Variants in CASD1 observed in about 807,000 individuals in gnomAD.
The protein encoded by CASD1 is CAS1 domain sialic acid O acetyltransferase 1, also known as N-acetylneuraminate (7)9-O-acetyltransferase.
In CASD1, 41 loss-of-function variants were observed where a neutral mutation model predicts 100.0. The ratio of observed to expected loss-of-function variants is 0.41; its 90% CI spans 0.32 to 0.53. The LOEUF is 0.53. Ranked by LOEUF, CASD1 falls within the 20% of genes least tolerant of loss-of-function variation. The pLI is 0.25. For missense variants in CASD1, 774 were observed against 948.7 expected (o/e 0.82, Z 2.42); for synonymous variants, 321 against 315.6 (o/e 1.02, Z -0.18).
chr7:94,519,320 A>G (rs563849777), intron 3 of CASD1, among the ~76,000 whole-genome samples: 41 of 152,284 alleles, frequency 2.7e-4, no homozygotes, highest in African/African-American at 9.9e-4. Context: ...GGAGAGGGGA[A>G]TAGCAAAGGG....
chr7:94,615,370 ATAG>A, the CASD1 span, among the ~76,000 whole-genome samples: 2 of 1,764 alleles, frequency 1.1e-3, no homozygotes, highest in Admixed American at 5.5e-3. Context: ...AAATAAATAG[ATAG>A]ATAGATAGAT....
At chr7:94,611,286 T>C in the CASD1 span, among the ~76,000 whole-genome samples, 1 of 152,144 alleles carries the variant, frequency 6.6e-6, no homozygotes, top group Non-Finnish European at 1.5e-5. Flanking sequence ...AGATGGCATA[T>C]CCATAAAATA....
chr7:94,570,007 G>T, the CASD1 span, among the ~76,000 whole-genome samples: 3 of 151,530 alleles, frequency 2.0e-5, no homozygotes, highest in African/African-American at 7.3e-5. Context: ...TAGAGACAGG[G>T]TTTCACCATG....
chr7:94,512,770 T>C lies in CASD1; in HGVS notation c.133+2553T>C, dbSNP rs575446412. 3.9e-5 allele frequency among the ~76,000 whole-genome samples: 6 copies of C among 152,346 alleles called. No homozygotes were observed. In the South Asian group the frequency reaches 1.2e-3, roughly 32 times the overall value. ...CATGTCAAAGTTTAATTGGTAACAT[T>C]TTTTTCTTACTGTGACATAAAATAA... On this transcript the variant is annotated intron_variant, in intron 1 of 17. Transcript: ENST00000297273.
chr7:94,532,995 G>A (rs1584402613), intron 5 of CASD1, among the ~76,000 whole-genome samples: 1 of 152,094 alleles, frequency 6.6e-6, no homozygotes, highest in Non-Finnish European at 1.5e-5. Flanking sequence ...CATCCTGTGT[G>A]TATATGTAGC....
At chr7:94,574,676 A>G in the CASD1 span, among the ~76,000 whole-genome samples, 1 of 151,898 alleles carries the variant, frequency 6.6e-6, no homozygotes, top group Non-Finnish European at 1.5e-5. Flanking sequence ...TTCAAAAAAA[A>G]AAAAAATTCC....
At chr7:94,600,086 G>C in the CASD1 span, 1 of 215,514 alleles carries the variant, frequency 4.6e-6, no homozygotes, top group African/African-American at 2.3e-5. Context: ...AGATAATCTT[G>C]GGAGATTACC....
intron 11 of CASD1, among the ~76,000 whole-genome samples, chr7:94,545,168 G>T (rs1378275218): frequency 1.3e-5 from 2 of 151,934 alleles, no homozygotes; most frequent in African/African-American, 4.8e-5. Context: ...TCCCAAATGG[G>T]GTAAGTCAAC....
chr7:94,597,276 A>G, the CASD1 span: 1 of 152,206 alleles, frequency 6.6e-6, no homozygotes, highest in Non-Finnish European at 1.5e-5. Context: ...ACACATGCAC[A>G]TAAACAGGCA....
At chr7:94,547,022 A>G in intron 12 of CASD1, 74 bp from the exon 13 acceptor site, 1 of 892,776 alleles carries the variant, frequency 1.1e-6, no homozygotes, top group Non-Finnish European at 1.7e-6. Flanking sequence ...ATGTACATAT[A>G]TCAAATAGAG....
chr7:94,526,236 C>A (rs1261853894), intron 3 of CASD1, among the ~76,000 whole-genome samples: 1 of 152,220 alleles, frequency 6.6e-6, no homozygotes, highest in Non-Finnish European at 1.5e-5. Flanking sequence ...GGGCTGGCAA[C>A]AGGCTTTGCT....
chr7:94,599,607 A>G, the CASD1 span: 1 of 1,001,218 alleles, frequency 1.0e-6, no homozygotes, highest in African/African-American at 1.6e-5. Flanking sequence ...GACAAATGAA[A>G]AAAAGCTTGA....
chr7:94,540,603 C>T (rs1037398479), intron 10 of CASD1, among the ~76,000 whole-genome samples: 5 of 151,976 alleles, frequency 3.3e-5, no homozygotes, highest in Admixed American at 1.3e-4. Context: ...CTGCAGCTGA[C>T]GGGAAGCTAG....
downstream of CASD1, among the ~76,000 whole-genome samples, chr7:94,559,310 G>GTGTGTGTA (rs1554417437): frequency 3.9e-3 from 491 of 125,684 alleles, 3 homozygotes; most frequent in African/African-American, 0.011. Context: ...GTGTGTATGT[G>GTGTGTGTA]TGTGTGTGTG....
chr7:94,514,633 A>G (rs867986401), intron 1 of CASD1, among the ~76,000 whole-genome samples: 6 of 152,156 alleles, frequency 3.9e-5, no homozygotes, highest in Non-Finnish European at 7.4e-5. Flanking sequence ...CAGAAAAATC[A>G]TGCATAAAAT....
the CASD1 span, chr7:94,627,937 A>T: frequency 2.5e-6 from 1 of 397,732 alleles, no homozygotes; most frequent in Admixed American, 3.8e-5. Flanking sequence ...AATAGAATTC[A>T]TATTATAATA....
At chr7:94,604,352 G>A in the CASD1 span, among the ~76,000 whole-genome samples, 3 of 151,944 alleles carry the variant, frequency 2.0e-5, no homozygotes, top group East Asian at 5.8e-4. Flanking sequence ...TGCCTTCTTT[G>A]CAGAAGTTGA....
the CASD1 span, among the ~76,000 whole-genome samples, chr7:94,575,796 T>C: frequency 6.6e-6 from 1 of 152,232 alleles, no homozygotes; most frequent in Non-Finnish European, 1.5e-5. Flanking sequence ...ACTTTGAAAA[T>C]GTCATCCCAC....
At chr7:94,633,864 G>T in the CASD1 span, among the ~76,000 whole-genome samples, 1 of 152,106 alleles carries the variant, frequency 6.6e-6, no homozygotes, top group Non-Finnish European at 1.5e-5. Context: ...ATTCTTAATG[G>T]CATGTGCATA....
Sources: gnomAD v4.1 joint callset for allele counts (sites outside exome capture counted in the v4.1 genomes callset) on GRCh38, gnomAD v4.1.1 for gene constraint, MANE v1.5 for transcripts, NCBI Gene and HGNC (gene_info 2026-07-23, HGNC 2026-07-21) for gene names.